Variants in PAX8 observed in about 807,000 individuals in gnomAD.
The protein encoded by PAX8 is paired box 8, also known as paired box protein Pax-8.
In PAX8, 15 loss-of-function variants were observed where a neutral mutation model predicts 52.4. That is an observed-to-expected ratio of 0.29 (90% CI 0.19 to 0.44). The LOEUF (loss-of-function observed/expected upper bound fraction) is 0.44. PAX8 is among the 20% of genes least tolerant of loss of function. PAX8 has a pLI of 1.00. For synonymous variants in PAX8, 284 were observed against 249.7 expected (o/e 1.14, Z -1.29); for missense variants, 554 against 602.5 (o/e 0.92, Z 0.84).
chr2:113,217,242 A>T lies in PAX8; in HGVS notation c.*1291T>A, dbSNP rs985766869. On this transcript the variant is annotated 3_prime_UTR_variant, in exon 12 of 12. Transcript: ENST00000429538. ...GGCCAAGCCAGAGCTCTGGGGCATC[A>T]GATGGTCCCTTCCAGCCCACGGCCC... 1 of 229,296 alleles carries T rather than the reference A, an allele frequency of 4.4e-6. No individual in the cohort carries two copies. Among genetic ancestry groups the T allele is most frequent in the Admixed American group, 5.7e-5 (1 of 17,622 alleles). 14.2% of individuals were successfully genotyped at this position (229,296 alleles called of 1,614,324 possible).
Position 113,218,545 on chromosome 2 carries a change from A to C in PAX8, c.1341T>G (p.Phe447Leu). 6.4e-7 allele frequency: 1 copy of C among 1,554,744 alleles called. No individual in the cohort carries two copies. Among genetic ancestry groups the C allele is most frequent in the Non-Finnish European group, 8.7e-7 (1 of 1,148,504 alleles). ...GTCCCCATGGCAACTACAGATGGTC[A>C]AAGGCCGTGGCAGTGGTGGGCGGTG... ...PSAPPTTATA[F>L]DHL Residue 447 changes from phenylalanine to leucine, a missense_variant, in exon 12 of 12, where the codon TTT becomes TTG. Coordinates refer to ENST00000429538, the MANE Select transcript of PAX8 (RefSeq NM_003466.4).
intron 2 of PAX8, among the ~76,000 whole-genome samples, chr2:113,256,036 A>G (rs981206213): frequency 6.6e-6 from 1 of 151,596 alleles, no homozygotes. Flanking sequence ...ATTGTCAAGG[A>G]GCTCAGTACT....
intron 5 of PAX8, among the ~76,000 whole-genome samples, 197 bp downstream of exon 5, chr2:113,242,493 G>A (rs1171988228): frequency 6.6e-6 from 1 of 152,142 alleles, no homozygotes; most frequent in African/African-American, 2.4e-5. Flanking sequence ...CCTCTCCATA[G>A]TTCAGTGAAT....
chr2:113,255,091 AAAG>A (rs371828188), intron 2 of PAX8, among the ~76,000 whole-genome samples: 59 of 150,284 alleles, frequency 3.9e-4, no homozygotes, highest in East Asian at 1.2e-3. Context: ...AGGAAGGAAA[AAAG>A]AAGGAAGGAG....
intron 2 of PAX8, among the ~76,000 whole-genome samples, chr2:113,256,635 T>TGC (rs1692280731): frequency 3.4e-5 from 4 of 118,450 alleles, no homozygotes; most frequent in Admixed American, 2.4e-4. Context: ...TATATATGTG[T>TGC]GTGTGTGTGT....
At position 113,246,910 on chromosome 2, in the gene PAX8, C is replaced by T; in HGVS notation, c.35G>A (p.Gly12Glu). Residue 12 changes from glycine (G) to glutamate (E), a missense_variant, in exon 3 of 12, where the codon GGG (glycine) becomes GAG (glutamate). Coordinates refer to ENST00000429538, the MANE Select transcript of PAX8 (RefSeq NM_003466.4). ...PHNSIRSGHG[G>E]LNQLGGAFVN... ...AAAGGCCCCTCCCAGCTGGTTCAGCCCTCCATGGCCTAAGGAGACAATATT... is the reference window on the plus strand; with the variant it reads ...AAAGGCCCCTCCCAGCTGGTTCAGCTCTCCATGGCCTAAGGAGACAATATT... The T allele has an allele frequency of 1.2e-6, 2 of 1,613,600 alleles. No individual in the cohort carries two copies. Among genetic ancestry groups the T allele is most frequent in the East Asian group, 2.2e-5 (1 of 44,858 alleles).
intron 1 of PAX8, 60 bp from the exon 2 acceptor site, chr2:113,278,529 GC>G (rs912036984): frequency 1.7e-5 from 23 of 1,374,810 alleles, no homozygotes; most frequent in Non-Finnish European, 2.2e-5. Context: ...GCATCCTCAG[GC>G]CCCCTCCCCA....
intron 9 of PAX8, among the ~76,000 whole-genome samples, chr2:113,228,280 C>T (rs528797904): frequency 2.6e-5 from 4 of 152,324 alleles, no homozygotes; most frequent in African/African-American, 9.6e-5. Flanking sequence ...GGTGACAATA[C>T]ACCCTGGTTT....
chr2:113,244,284 AGGTGTGCT>A, intron 4 of PAX8, 135 bp downstream of exon 4: 1 of 743,368 alleles, frequency 1.3e-6, no homozygotes, highest in Non-Finnish European at 2.4e-6. Flanking sequence ...GCCTGGAGCC[AGGTGTGCT>A]CCCTGCCTGA....
chr2:113,250,469 G>T (rs943395932), intron 2 of PAX8, among the ~76,000 whole-genome samples: 11 of 152,076 alleles, frequency 7.2e-5, no homozygotes, highest in African/African-American at 2.4e-4. Context: ...TGGCAGTGAG[G>T]GTTATTAAAA....
chr2:113,267,921 A>G (rs1263999555), intron 2 of PAX8: 2 of 152,228 alleles, frequency 1.3e-5, no homozygotes, highest in African/African-American at 2.4e-5. Context: ...TGTGTGTGTC[A>G]TATGGATACA....
chr2:113,230,051 T>G (rs1040562572), intron 9 of PAX8, among the ~76,000 whole-genome samples: 4 of 152,216 alleles, frequency 2.6e-5, no homozygotes, highest in Admixed American at 2.0e-4. Flanking sequence ...CTAGTTTAGA[T>G]TTCAGCTTGT....
intron 9 of PAX8, among the ~76,000 whole-genome samples, chr2:113,232,941 G>A (rs1466551965): frequency 1.3e-5 from 2 of 151,862 alleles, no homozygotes; most frequent in South Asian, 2.1e-4. Flanking sequence ...CATGACCGCC[G>A]CCAGCTCTAG....
At chr2:113,225,611 A>C (rs918695459) in intron 10 of PAX8, 1 of 152,184 alleles carries the variant, frequency 6.6e-6, no homozygotes, top group Non-Finnish European at 1.5e-5. Flanking sequence ...GAACCCACTC[A>C]GGATTCTTTC....
intron 2 of PAX8, chr2:113,250,696 G>A (rs933157878): frequency 6.6e-6 from 1 of 152,170 alleles, no homozygotes. Context: ...CAATAATAAT[G>A]ATTGTTTGTA....
intron 2 of PAX8, chr2:113,266,341 T>C (rs1237401552): frequency 6.6e-6 from 1 of 152,218 alleles, no homozygotes; most frequent in Admixed American, 6.5e-5. Context: ...CCTTTCTGTG[T>C]GTGTCTTTAC....
chr2:113,267,182 C>T (rs897529514), intron 2 of PAX8: 1 of 152,212 alleles, frequency 6.6e-6, no homozygotes, highest in African/African-American at 2.4e-5. Flanking sequence ...AGCAGAGAGG[C>T]CTGCCCATGC....
chr2:113,254,233 T>C (rs1692021298), intron 2 of PAX8, among the ~76,000 whole-genome samples: 1 of 152,248 alleles, frequency 6.6e-6, no homozygotes, highest in Non-Finnish European at 1.5e-5. Context: ...GGCAAACATT[T>C]TAATAGAACT....
intron 2 of PAX8, chr2:113,271,386 A>T (rs1693447371): frequency 6.6e-6 from 1 of 152,162 alleles, no homozygotes; most frequent in Non-Finnish European, 1.5e-5. Context: ...GCAGATGGAG[A>T]CACGGCAGCC....
Sources: gnomAD v4.1 joint callset for allele counts (sites outside exome capture counted in the v4.1 genomes callset) on GRCh38, gnomAD v4.1.1 for gene constraint, MANE v1.5 for transcripts, NCBI Gene and HGNC (gene_info 2026-07-23, HGNC 2026-07-21) for gene names.